OSMR: variants seen among roughly 807,000 people sequenced by gnomAD.
The protein encoded by OSMR is oncostatin-M-specific receptor subunit beta.
Under a neutral mutation model 99.9 loss-of-function variants are expected in OSMR, and 81 were observed. The ratio of observed to expected loss-of-function variants is 0.81; its 90% CI spans 0.68 to 0.97. The LOEUF is 0.97. OSMR is among the 50% of genes least tolerant of loss of function. The pLI, the probability that OSMR is intolerant of heterozygous loss-of-function variation, is 0.00. For missense variants in OSMR, 1,099 were observed against 1,153.4 expected (o/e 0.95, Z 0.68); for synonymous variants, 406 against 410.4 (o/e 0.99, Z 0.13).
downstream of OSMR, among the ~76,000 whole-genome samples, chr5:38,936,376 AT>A (rs1399840205): frequency 6.6e-6 from 1 of 152,156 alleles, no homozygotes; most frequent in African/African-American, 2.4e-5. Context: ...CTTAAAAAAA[AT>A]CAATCAGGAT....
Position 38,885,440 on chromosome 5 carries a change from G to C in OSMR, c.795G>C (p.Leu265Phe). Residue 265 changes from leucine to phenylalanine, a missense_variant, in exon 6 of 18, where the codon TTG becomes TTC. Leu to Phe is a conservative substitution (Grantham distance 22). Transcript: ENST00000274276. ...GGGATCCTGGGACGGACACTGCCTTGGGGTGGTCTAAACAACCTTCCCAAA... is the reference window on the plus strand; with the variant it reads ...GGGATCCTGGGACGGACACTGCCTTCGGGTGGTCTAAACAACCTTCCCAAA... ...CTWDPGTDTA[L>F]GWSKQPSQSY... is the part of the protein sequence containing the mutation. The C allele has an allele frequency of 6.2e-7, 1 of 1,614,012 alleles. No homozygotes were observed. Among genetic ancestry groups the C allele is most frequent in the East Asian group, 2.2e-5 (1 of 44,888 alleles).
intron 1 of OSMR, chr5:38,943,187 A>AC (rs1747790907): frequency 4.7e-6 from 2 of 422,388 alleles, no homozygotes; most frequent in Non-Finnish European, 8.4e-6. Context: ...GATTATCAAA[A>AC]CCTGAATACT....
intron 1 of OSMR, among the ~76,000 whole-genome samples, chr5:38,849,693 T>C (rs1740203263): frequency 1.3e-5 from 2 of 152,204 alleles, no homozygotes; most frequent in Non-Finnish European, 2.9e-5. Context: ...TAATGTCCAC[T>C]TTGGTATGAG....
At chr5:38,879,226 G>A (rs548301994) in intron 3 of OSMR, among the ~76,000 whole-genome samples, 1 of 152,398 alleles carries the variant, frequency 6.6e-6, no homozygotes, top group Admixed American at 6.5e-5. Context: ...GGCGCTGAGA[G>A]AAGGGAATTT....
intron 1 of OSMR, among the ~76,000 whole-genome samples, chr5:38,864,396 T>G (rs1296442579): frequency 2.0e-5 from 3 of 152,174 alleles, no homozygotes; most frequent in Admixed American, 2.0e-4. Context: ...ATCCTTTCAC[T>G]TCCAGATATA....
At chr5:38,866,114 C>T (rs539963) in intron 1 of OSMR, among the ~76,000 whole-genome samples, 28,379 of 152,104 alleles carry the variant, frequency 0.19, 2,855 homozygotes, top group African/African-American at 0.21. Context: ...GTGTGAGTGG[C>T]TGCCAGAGGT....
intron 15 of OSMR, among the ~76,000 whole-genome samples, chr5:38,930,790 G>A (rs997723080): frequency 1.3e-5 from 2 of 151,990 alleles, no homozygotes; most frequent in Non-Finnish European, 2.9e-5. Context: ...GGAAGACAAA[G>A]GTTTTTAAAG....
At chr5:38,871,062 G>A (rs1579666959) in intron 2 of OSMR, among the ~76,000 whole-genome samples, 1 of 152,344 alleles carries the variant, frequency 6.6e-6, no homozygotes, top group African/African-American at 2.4e-5. Context: ...GTGGGGAACA[G>A]AGGGAATTGG....
intron 1 of OSMR, chr5:38,940,931 A>C (rs1004221224): frequency 4.3e-5 from 10 of 232,482 alleles, no homozygotes; most frequent in Non-Finnish European, 7.7e-5. Flanking sequence ...TAAAAATGTT[A>C]TACACAAATG....
intron 9 of OSMR, among the ~76,000 whole-genome samples, chr5:38,915,904 C>T (rs1579781290): frequency 6.6e-6 from 1 of 152,132 alleles, no homozygotes; most frequent in South Asian, 2.1e-4. Context: ...ACATCAATAC[C>T]TGTGAGTCCC....
chr5:38,889,526 C>G (rs1434093306), intron 7 of OSMR, among the ~76,000 whole-genome samples: 6 of 152,066 alleles, frequency 3.9e-5, no homozygotes, highest in Admixed American at 3.3e-4. Context: ...GTTACCTCAT[C>G]CATGATGTTT....
chr5:38,874,141 A>T (rs950021100), intron 2 of OSMR, among the ~76,000 whole-genome samples: 1 of 151,856 alleles, frequency 6.6e-6, no homozygotes, highest in Non-Finnish European at 1.5e-5. Flanking sequence ...CAGATATATG[A>T]TTTGCAAATA....
At chr5:38,889,795 G>T (rs1341506427) in intron 7 of OSMR, among the ~76,000 whole-genome samples, 1 of 152,012 alleles carries the variant, frequency 6.6e-6, no homozygotes, top group Non-Finnish European at 1.5e-5. Flanking sequence ...ATTGTGTTTT[G>T]TTGTTGTTGA....
At chr5:38,871,433 T>C (rs1176589344) in intron 2 of OSMR, among the ~76,000 whole-genome samples, 3 of 152,250 alleles carry the variant, frequency 2.0e-5, no homozygotes, top group Non-Finnish European at 4.4e-5. Context: ...CTGTACTATT[T>C]GGATTTCTTG....
chr5:38,876,298 T>G lies in OSMR; in HGVS notation c.171T>G (p.Leu57=). The change falls in exon 3 of 18, where the codon CTT becomes CTG. Residue 57 remains leucine, a synonymous_variant. Coordinates refer to ENST00000274276, the MANE Select transcript of OSMR (RefSeq NM_003999.3). ...ACTTACAATGGACTGTCCACAACCTTCCTTATCATCAGGAATTGAAAATGG... is the reference window on the plus strand; with the variant it reads ...ACTTACAATGGACTGTCCACAACCTGCCTTATCATCAGGAATTGAAAATGG... The part of the protein sequence containing the change: ...SLHLQWTVHN[L]PYHQELKMVF... The G allele has an allele frequency of 1.2e-6, 2 of 1,613,394 alleles. No individual in the cohort carries two copies. Among genetic ancestry groups the G allele is most frequent in the Non-Finnish European group, 1.7e-6 (2 of 1,179,442 alleles).
At chr5:38,848,805 A>T (rs1436340033) in intron 1 of OSMR, among the ~76,000 whole-genome samples, 1 of 151,920 alleles carries the variant, frequency 6.6e-6, no homozygotes, top group Non-Finnish European at 1.5e-5. Context: ...AGATGGTCTC[A>T]CTCTGTCACA....
downstream of OSMR, among the ~76,000 whole-genome samples, chr5:38,937,734 T>C (rs1016579011): frequency 5.3e-5 from 8 of 152,156 alleles, no homozygotes; most frequent in Non-Finnish European, 1.0e-4. The surrounding 1 kb of genome is among the most constrained non-coding windows in gnomAD (Gnocchi z 4.0). Flanking sequence ...TACAAAGATG[T>C]TTAATTATGA....
chr5:38,942,447 A>T (rs77756526), intron 1 of OSMR: 1 of 850,874 alleles, frequency 1.2e-6, no homozygotes, highest in Non-Finnish European at 1.7e-6. Flanking sequence ...TTATATAAAT[A>T]TCTAATTTTT....
chr5:38,912,601 A>G (rs562558165), intron 9 of OSMR, among the ~76,000 whole-genome samples: 1 of 152,344 alleles, frequency 6.6e-6, no homozygotes, highest in Non-Finnish European at 1.5e-5. Context: ...GAAACAAAAA[A>G]GAGCCTATAT....
Sources: allele counts gnomAD v4.1 joint callset (sites outside exome capture counted in the v4.1 genomes callset), GRCh38; gene constraint gnomAD v4.1.1; non-coding constraint Gnocchi (gnomAD v3.1); transcripts MANE v1.5; gene names NCBI Gene and HGNC (gene_info 2026-07-23, HGNC 2026-07-21).